SFSWAP: variants seen among roughly 807,000 people sequenced by gnomAD.
The protein encoded by SFSWAP is splicing factor SWAP, also known as splicing factor, suppressor of white-apricot homolog.
In SFSWAP, 17 loss-of-function variants were observed where a neutral mutation model predicts 100.7. The ratio of observed to expected loss-of-function variants is 0.17; its 90% CI spans 0.12 to 0.25. SFSWAP has a LOEUF of 0.25. Among genes scored for constraint, SFSWAP ranks in the 10% least tolerant of loss-of-function variants. SFSWAP has a pLI of 1.00. For missense variants in SFSWAP, 1,005 were observed against 1,262.6 expected (o/e 0.80, Z 3.09); for synonymous variants, 504 against 510.1 (o/e 0.99, Z 0.16).
In SFSWAP at chr12:131,753,307, G is replaced by C; in HGVS notation, c.1266G>C (p.Pro422=). Residue 422 remains proline, a synonymous_variant, in exon 8 of 18, where the codon CCG becomes CCC. Transcript: ENST00000261674. Reference sequence around the variant, plus strand: ...CACCTCCTGGGACCACACCACTACCGCCCCCAACCACAGCAGAGACTAGCA... The same window carrying C: ...CACCTCCTGGGACCACACCACTACCCCCCCCAACCACAGCAGAGACTAGCA... ...APPPPGTTPL[P]PPTTAETSSG... 6.2e-7 allele frequency: 1 copy of C among 1,611,390 alleles called. No homozygotes were observed. The highest frequency in any genetic ancestry group is 8.5e-7 in the Non-Finnish European group (1 of 1,177,698).
intron 9 of SFSWAP, 128 bp downstream of exon 9, chr12:131,754,627 CTTTTTTTT>C (rs869226840): frequency 1.6e-4 from 13 of 80,738 alleles, no homozygotes; most frequent in South Asian, 5.2e-4. Flanking sequence ...GCTCAAATGT[CTTTTTTTT>C]TTTTTTTTTT....
intron 9 of SFSWAP, among the ~76,000 whole-genome samples, chr12:131,754,708 ACTGTAAC>A (rs945825583): frequency 1.7e-5 from 2 of 120,084 alleles, no homozygotes; most frequent in Non-Finnish European, 3.1e-5. Context: ...ATCTTGATTG[ACTGTAAC>A]CTCTACCTCC....
intron 7 of SFSWAP, among the ~76,000 whole-genome samples, chr12:131,731,199 C>T (rs1879469572): frequency 6.6e-6 from 1 of 152,208 alleles, no homozygotes; most frequent in South Asian, 2.1e-4. Flanking sequence ...GGCGCTCAGC[C>T]TTATGGGATG....
chr12:131,722,241 G>A (rs982010778), intron 4 of SFSWAP, among the ~76,000 whole-genome samples: 2 of 152,168 alleles, frequency 1.3e-5, no homozygotes, highest in Non-Finnish European at 2.9e-5. Context: ...GAGGCTTTTG[G>A]ATGAAGAGTA....
chr12:131,713,234 C>CA (rs1877552530), intron 1 of SFSWAP: 1 of 152,196 alleles, frequency 6.6e-6, no homozygotes, highest in African/African-American at 2.4e-5. Context: ...GACAGTTACA[C>CA]GTTGACAGCA....
intron 4 of SFSWAP, among the ~76,000 whole-genome samples, chr12:131,724,184 G>A (rs1331024746): frequency 2.6e-5 from 4 of 152,084 alleles, no homozygotes; most frequent in Admixed American, 6.6e-5. Context: ...ATAACAAATA[G>A]GCCTACTTTT....
chr12:131,788,399 CTG>C (rs1213196738), intron 15 of SFSWAP, among the ~76,000 whole-genome samples: 3 of 152,210 alleles, frequency 2.0e-5, no homozygotes, highest in Non-Finnish European at 2.9e-5. Context: ...GAGTGTTAAA[CTG>C]TGATTCACTA....
rs1882198635 is a variant in SFSWAP at position 131,756,656 on chromosome 12, CT to C, written c.1720+14del. ...GAAGCTGGTGAAAGGTATGCTGCCA[CT>C]TGCATGTTGGCCTTGCACATTCCAC... On this transcript the variant is annotated intron_variant, in intron 11 of 17. Coordinates refer to ENST00000261674, the MANE Select transcript of SFSWAP (RefSeq NM_004592.4). The C allele has an allele frequency of 6.4e-7, 1 of 1,571,384 alleles. No homozygotes were observed. Among genetic ancestry groups the C allele is most frequent in the South Asian group, 1.2e-5 (1 of 84,332 alleles).
chr12:131,771,375 C>A (rs1012403747), intron 13 of SFSWAP, among the ~76,000 whole-genome samples: 2 of 152,158 alleles, frequency 1.3e-5, no homozygotes, highest in Non-Finnish European at 2.9e-5. Context: ...TGAACGATGC[C>A]GCTTTCACCC....
chr12:131,733,271 T>C lies in SFSWAP; in HGVS notation c.1081+4843T>C, dbSNP rs1418186708. Among the ~76,000 whole-genome samples the C allele has an allele frequency of 6.6e-6, 1 of 152,168 alleles. No individual in the cohort carries two copies. The highest frequency in any genetic ancestry group is 1.5e-5 in the Non-Finnish European group (1 of 68,032). On this transcript the variant is annotated intron_variant, in intron 7 of 17. Transcript: ENST00000261674. This position sits in a 1 kb window ranked among gnomAD's most constrained non-coding sequence, Gnocchi z 5.1. The stretch of plus-strand genomic sequence containing the variant: ...ACCCTGCCCTGTGAGAACTTTCGTA[T>C]GTGTGTCTCTGCCATCTCCTCCTCC...
intron 11 of SFSWAP, among the ~76,000 whole-genome samples, chr12:131,762,070 A>G (rs182857195): frequency 3.9e-5 from 6 of 152,238 alleles, no homozygotes; most frequent in African/African-American, 1.4e-4. Flanking sequence ...CATCTCTACT[A>G]AAAATACAAA....
At chr12:131,773,927 AG>A (rs1482045289) in intron 13 of SFSWAP, among the ~76,000 whole-genome samples, 3 of 152,194 alleles carry the variant, frequency 2.0e-5, no homozygotes, top group African/African-American at 7.2e-5. Context: ...GGAGCTTACC[AG>A]AATAGTGAGG....
rs762557735 is a variant in SFSWAP at position 131,714,104 on chromosome 12, T to C, written c.252T>C (p.Ser84=). Residue 84 remains serine, a synonymous_variant, in exon 2 of 18, where the codon TCT becomes TCC. Transcript: ENST00000261674. This position sits in a 1 kb window ranked among gnomAD's most constrained non-coding sequence, Gnocchi z 6.0. ...YDGRGHLHDL[S]EYDAEYSTWN... Reference sequence around the variant, plus strand: ...GACGTGGTCACCTGCATGACCTTTCTGAGTACGATGCTGAGTATTCCACGT... The same window carrying C: ...GACGTGGTCACCTGCATGACCTTTCCGAGTACGATGCTGAGTATTCCACGT... The C allele has an allele frequency of 1.9e-6, 3 of 1,613,948 alleles. No homozygotes were observed. The highest frequency in any genetic ancestry group is 2.5e-6 in the Non-Finnish European group (3 of 1,179,946).
At chr12:131,787,843 C>T (rs185703796) in intron 15 of SFSWAP, among the ~76,000 whole-genome samples, 1 of 152,314 alleles carries the variant, frequency 6.6e-6, no homozygotes, top group Non-Finnish European at 1.5e-5. Context: ...TACCACGGTT[C>T]CCTCCGTTGA....
chr12:131,750,336 T>C (rs1262874698), intron 7 of SFSWAP, among the ~76,000 whole-genome samples: 2 of 152,194 alleles, frequency 1.3e-5, no homozygotes, highest in South Asian at 2.1e-4. Context: ...AGAGAAGTGT[T>C]TTCATCTCAT....
chr12:131,759,892 C>A lies in SFSWAP; in HGVS notation c.1720+3248C>A, dbSNP rs186162053. ...CCCAGCATGTCACAAAATGAGAAGA[C>A]CTTCTAGTATAGTTTACATATTAAC... On this transcript the variant is annotated intron_variant, in intron 11 of 17. Coordinates refer to ENST00000261674, the MANE Select transcript of SFSWAP (RefSeq NM_004592.4). Among the ~76,000 whole-genome samples the A allele has an allele frequency of 1.6e-4, 24 of 152,140 alleles. No individual in the cohort carries two copies. In the East Asian group the frequency reaches 4.2e-3, roughly 27 times the overall value.
intron 7 of SFSWAP, among the ~76,000 whole-genome samples, chr12:131,752,795 G>T (rs1430759956): frequency 6.6e-6 from 1 of 152,250 alleles, no homozygotes; most frequent in Non-Finnish European, 1.5e-5. Flanking sequence ...TGCCGCTAGA[G>T]AGGAGACTGT....
At chr12:131,772,278 A>G (rs1386018698) in intron 13 of SFSWAP, among the ~76,000 whole-genome samples, 6 of 152,124 alleles carry the variant, frequency 3.9e-5, no homozygotes, top group Non-Finnish European at 8.8e-5. Context: ...TTCTGCATCC[A>G]TGTTCCTGTT....
chr12:131,713,053 G>A (rs1877531776), intron 1 of SFSWAP: 1 of 151,972 alleles, frequency 6.6e-6, no homozygotes, highest in South Asian at 2.1e-4. Context: ...GGAATTTTGG[G>A]CCTTTTTCCT....
Sources: gnomAD v4.1 joint callset for allele counts (sites outside exome capture counted in the v4.1 genomes callset) on GRCh38, gnomAD v4.1.1 for gene constraint, Gnocchi (gnomAD v3.1) non-coding constraint, MANE v1.5 for transcripts, NCBI Gene and HGNC (gene_info 2026-07-23, HGNC 2026-07-21) for gene names.